Variants in MAD1L1 observed in about 807,000 individuals in gnomAD.
MAD1L1 encodes mitotic arrest deficient 1 like 1.
A neutral mutation model predicts 96.9 loss-of-function variants in MAD1L1; 95 were observed. The observed-to-expected ratio is 0.98, with a 90% confidence interval of 0.83 to 1.16. MAD1L1 has a LOEUF of 1.16. Ranked by LOEUF, MAD1L1 falls within the 50% of genes most tolerant of loss-of-function variation. MAD1L1 has a pLI of 0.00. For synonymous variants in MAD1L1, 473 were observed against 396.6 expected (o/e 1.19, Z -2.29); for missense variants, 1,007 against 954.4 (o/e 1.06, Z -0.73).
Position 1,883,910 on chromosome 7 carries a change from C to G in MAD1L1, c.1998+14290G>C, listed in dbSNP as rs73673310. Among the ~76,000 whole-genome samples, 1,214 of 152,332 alleles carry G rather than the reference C, an allele frequency of 8.0e-3. 15 individuals are homozygous for G. Among genetic ancestry groups the G allele is most frequent in the African/African-American group, 0.028 (1,160 of 41,580 alleles). On this transcript the variant is annotated intron_variant, in intron 18 of 18. Coordinates refer to ENST00000265854, the MANE Select transcript of MAD1L1 (RefSeq NM_001013836.2). ...TGCAGACCCTGACACACGGTCAGGC[C>G]AGGGAGCCTCCTGGATACCCGGGCC...
intron 1 of MAD1L1, 128 bp downstream of exon 1, chr7:2,232,744 A>G: frequency 6.6e-6 from 1 of 152,552 alleles, no homozygotes; most frequent in Non-Finnish European, 1.5e-5. Context: ...GTCCTGAGGC[A>G]CGGGGTCTGG....
chr7:1,910,530 G>A (rs1787949505), intron 17 of MAD1L1, among the ~76,000 whole-genome samples: 1 of 152,230 alleles, frequency 6.6e-6, no homozygotes, highest in Admixed American at 6.5e-5. Flanking sequence ...CTGCCCTGGG[G>A]GCTGAGCAGC....
intron 15 of MAD1L1, among the ~76,000 whole-genome samples, chr7:1,974,803 C>A (rs532077518): frequency 3.3e-5 from 5 of 152,250 alleles, no homozygotes; most frequent in Non-Finnish European, 7.3e-5. Context: ...CCCAATGCAG[C>A]GCACAGAGCA....
intron 12 of MAD1L1, among the ~76,000 whole-genome samples, chr7:2,042,329 G>A (rs778155107): frequency 7.9e-5 from 12 of 151,712 alleles, no homozygotes; most frequent in African/African-American, 1.7e-4. Context: ...ACAGGCACAC[G>A]GACACACGCA....
intron 18 of MAD1L1, among the ~76,000 whole-genome samples, chr7:1,859,053 C>T (rs13242891): frequency 1.2e-5 from 1 of 83,866 alleles, no homozygotes; most frequent in Admixed American, 1.6e-4. Context: ...ACCTCCACAC[C>T]AAACCCCATA....
chr7:1,925,706 T>C (rs1789049555), intron 17 of MAD1L1, among the ~76,000 whole-genome samples: 1 of 152,252 alleles, frequency 6.6e-6, no homozygotes, highest in Admixed American at 6.5e-5. Flanking sequence ...TACATCTTAA[T>C]GGAAATTTGA....
intron 11 of MAD1L1, among the ~76,000 whole-genome samples, chr7:2,070,547 G>A (rs1168137898): frequency 6.6e-6 from 1 of 152,346 alleles, no homozygotes; most frequent in African/African-American, 2.4e-5. Context: ...GGGAGGGTGC[G>A]AGTCCGCGGA....
chr7:1,844,649 G>A (rs1236307682), intron 18 of MAD1L1, among the ~76,000 whole-genome samples: 1 of 152,166 alleles, frequency 6.6e-6, no homozygotes, highest in Non-Finnish European at 1.5e-5. Context: ...CCCAAAGCTG[G>A]GGGGAGTCCA....
chr7:2,037,278 A>G (rs1341131904), intron 12 of MAD1L1, among the ~76,000 whole-genome samples: 1 of 148,852 alleles, frequency 6.7e-6, no homozygotes, highest in Non-Finnish European at 1.5e-5. Context: ...CTTTTCACAT[A>G]TTCCACACCC....
intron 11 of MAD1L1, among the ~76,000 whole-genome samples, chr7:2,121,978 G>A (rs2128561730): frequency 6.6e-6 from 1 of 152,296 alleles, no homozygotes; most frequent in Admixed American, 6.5e-5. Context: ...CAAGACACTG[G>A]GGAAAAGACC....
intron 18 of MAD1L1, among the ~76,000 whole-genome samples, chr7:1,873,013 T>G (rs1232029474): frequency 6.6e-6 from 1 of 152,058 alleles, no homozygotes; most frequent in African/African-American, 2.4e-5. Context: ...TATCCCCAGG[T>G]GAGAAACGGA....
intron 17 of MAD1L1, among the ~76,000 whole-genome samples, chr7:1,899,798 G>C (rs913231077): frequency 6.6e-6 from 1 of 152,216 alleles, no homozygotes; most frequent in African/African-American, 2.4e-5. Context: ...AGGCTCTGAT[G>C]GGCCAGTTTA....
At chr7:2,226,610 C>T (rs1793912257) in intron 3 of MAD1L1, among the ~76,000 whole-genome samples, 1 of 152,232 alleles carries the variant, frequency 6.6e-6, no homozygotes, top group South Asian at 2.1e-4. Flanking sequence ...TGACTCTTCA[C>T]GTGGCCCAGA....
rs1038237518 is a variant in MAD1L1, at chr7:2,202,736, C to G, written c.986+10476G>C. ...CCAGGGCGTCTGGTATTGATCAACT[C>G]AACAGCCGGGTAATTACAAATCACG... On this transcript the variant is annotated intron_variant, in intron 10 of 18. Coordinates refer to ENST00000265854, the MANE Select transcript of MAD1L1 (RefSeq NM_001013836.2). 5.9e-5 allele frequency among the ~76,000 whole-genome samples: 9 copies of G among 152,202 alleles called. 1 individual carries two copies. Among genetic ancestry groups the G allele is most frequent in the Admixed American group, 5.2e-4 (8 of 15,286 alleles).
rs1787815799 is a variant in MAD1L1, at chr7:2,118,344, A to G, written c.1073+30808T>C. Among the ~76,000 whole-genome samples, 3 of 152,188 alleles carry G rather than the reference A, an allele frequency of 2.0e-5. No individual in the cohort carries two copies. In the South Asian group the frequency reaches 6.2e-4, roughly 32 times the overall value. On this transcript the variant is annotated intron_variant, in intron 11 of 18. Coordinates refer to ENST00000265854, the MANE Select transcript of MAD1L1 (RefSeq NM_001013836.2). ...TGGCGGTCACAGATCTACACGGCAC[A>G]CTGTGCAGGTGAACCCTCCCTCCTG...
At chr7:2,046,405 C>G (rs1783921665) in intron 12 of MAD1L1, among the ~76,000 whole-genome samples, 1 of 152,280 alleles carries the variant, frequency 6.6e-6, no homozygotes, top group African/African-American at 2.4e-5. Flanking sequence ...GCCCGGCGCC[C>G]GTGCCCACCC....
intron 11 of MAD1L1, among the ~76,000 whole-genome samples, chr7:2,097,395 G>C (rs918292917): frequency 6.6e-6 from 1 of 152,154 alleles, no homozygotes; most frequent in Non-Finnish European, 1.5e-5. Flanking sequence ...GCGAGGACGT[G>C]GGGGCCAGAG....
intron 16 of MAD1L1, among the ~76,000 whole-genome samples, chr7:1,947,860 C>T (rs564223977): frequency 1.3e-5 from 2 of 152,324 alleles, no homozygotes; most frequent in Non-Finnish European, 2.9e-5. Context: ...CACCTGTCGC[C>T]GAGGGGCCTG....
intron 11 of MAD1L1, among the ~76,000 whole-genome samples, chr7:2,108,710 T>C (rs540806708): frequency 4.3e-4 from 65 of 152,334 alleles, no homozygotes; most frequent in African/African-American, 1.4e-3. Flanking sequence ...GCTTTCTCTC[T>C]AAGGTCAGTA....
Sources: allele counts gnomAD v4.1 joint callset (sites outside exome capture counted in the v4.1 genomes callset), GRCh38; gene constraint gnomAD v4.1.1; transcripts MANE v1.5; gene names NCBI Gene and HGNC (gene_info 2026-07-23, HGNC 2026-07-21).